The following ATP11A variants were observed in gnomAD, a reference collection of about 807,000 sequenced individuals.
ATP11A encodes phospholipid-transporting ATPase IH.
A neutral mutation model predicts 154.4 loss-of-function variants in ATP11A; 81 were observed. The ratio of observed to expected loss-of-function variants is 0.52; its 90% CI spans 0.44 to 0.63. The LOEUF (loss-of-function observed/expected upper bound fraction) is 0.63. Among genes scored for constraint, ATP11A ranks in the 30% least tolerant of loss-of-function variants. ATP11A has a pLI of 0.00. For synonymous variants in ATP11A, 623 were observed against 585.9 expected (o/e 1.06, Z -0.91); for missense variants, 1,316 against 1,474.3 (o/e 0.89, Z 1.76).
At chr13:112,845,065 A>C (rs1452577455) in intron 17 of ATP11A, among the ~76,000 whole-genome samples, 1 of 147,296 alleles carries the variant, frequency 6.8e-6, no homozygotes, top group Non-Finnish European at 1.5e-5. Flanking sequence ...CAGTCCAGTT[A>C]CTGGGCACTG....
At chr13:112,869,098 C>T (rs935194341) in intron 25 of ATP11A, among the ~76,000 whole-genome samples, 2 of 152,142 alleles carry the variant, frequency 1.3e-5, no homozygotes, top group African/African-American at 4.8e-5. Flanking sequence ...GACACAAAGC[C>T]AAACCACATC....
At chr13:112,782,548 A>G (rs911633377) in intron 1 of ATP11A, among the ~76,000 whole-genome samples, 5 of 152,262 alleles carry the variant, frequency 3.3e-5, no homozygotes, top group African/African-American at 1.2e-4. Flanking sequence ...GACTTTGCTT[A>G]GCCTTTATAG....
chr13:112,876,815 C>T (rs1181224878), intron 28 of ATP11A, among the ~76,000 whole-genome samples: 2 of 152,146 alleles, frequency 1.3e-5, no homozygotes, highest in Admixed American at 6.5e-5. Flanking sequence ...GACTCACTCA[C>T]GTAGCTCAGA....
chr13:112,853,869 A>C (rs1159820905), intron 18 of ATP11A, among the ~76,000 whole-genome samples: 1 of 152,222 alleles, frequency 6.6e-6, no homozygotes, highest in East Asian at 1.9e-4. Context: ...AACAAAAGAC[A>C]ATCAATATTC....
intron 25 of ATP11A, among the ~76,000 whole-genome samples, chr13:112,870,188 G>A (rs945530752): frequency 6.6e-6 from 1 of 152,192 alleles, no homozygotes; most frequent in Non-Finnish European, 1.5e-5. Context: ...GTTGATGGGG[G>A]CCCCTAAGAA....
Position 112,842,333 on chromosome 13 carries a change from A to G in ATP11A, c.1763A>G (p.Glu588Gly), listed in dbSNP as rs770910722. 6.2e-7 allele frequency: 1 copy of G among 1,611,980 alleles called. No homozygotes were observed. Among genetic ancestry groups the G allele is most frequent in the Non-Finnish European group, 8.5e-7 (1 of 1,179,080 alleles). The change falls in exon 17 of 30, where the codon GAA becomes GGA. Residue 588 changes from glutamate (E) to glycine (G), a missense_variant. Transcript: ENST00000375645. Reference sequence around the variant, plus strand: ...TCTTCGATATTCCCCCGAGTGATAGAAGGCAAAGTTGACCAGATCCGAGCC... The same window carrying G: ...TCTTCGATATTCCCCCGAGTGATAGGAGGCAAAGTTGACCAGATCCGAGCC... ...ADSSIFPRVI[E>G]GKVDQIRARV... is the part of the protein sequence containing the mutation.
At chr13:112,714,848 C>T (rs1420278851) in intron 1 of ATP11A, among the ~76,000 whole-genome samples, 1 of 152,202 alleles carries the variant, frequency 6.6e-6, no homozygotes, top group African/African-American at 2.4e-5. Flanking sequence ...TGCTTTAGCA[C>T]GTTCACCTTG....
At chr13:112,816,062 C>T in intron 5 of ATP11A, 21 bp from the exon 6 acceptor site, 1 of 1,613,856 alleles carries the variant, frequency 6.2e-7, no homozygotes, top group Non-Finnish European at 8.5e-7. Flanking sequence ...CATTGACCAT[C>T]CTTTCTGCTT....
intron 1 of ATP11A, among the ~76,000 whole-genome samples, chr13:112,751,739 C>T (rs557670091): frequency 2.0e-5 from 3 of 151,874 alleles, no homozygotes; most frequent in African/African-American, 7.3e-5. Flanking sequence ...ATCCCCCCCC[C>T]CTTTTTTTGA....
chr13:112,776,900 A>G (rs2077363018), intron 1 of ATP11A, among the ~76,000 whole-genome samples: 1 of 152,106 alleles, frequency 6.6e-6, no homozygotes, highest in Non-Finnish European at 1.5e-5. Context: ...ACCAGCCGAG[A>G]TGACCTGTCG....
intron 6 of ATP11A, 146 bp downstream of exon 6, chr13:112,816,357 C>A: frequency 9.7e-7 from 1 of 1,034,150 alleles, no homozygotes. Flanking sequence ...TGTTTTTCCT[C>A]ACTTTTCCTT....
intron 17 of ATP11A, among the ~76,000 whole-genome samples, chr13:112,849,111 A>G (rs940583102): frequency 6.6e-6 from 1 of 152,146 alleles, no homozygotes; most frequent in Non-Finnish European, 1.5e-5. Context: ...ATCAGTTGAG[A>G]TGATCATGTG....
At chr13:112,701,689 T>C (rs971177517) in intron 1 of ATP11A, among the ~76,000 whole-genome samples, 3 of 151,998 alleles carry the variant, frequency 2.0e-5, no homozygotes, top group African/African-American at 4.8e-5. Flanking sequence ...AAAAATTAGC[T>C]GGGCGTGGTG....
Position 112,886,090 on chromosome 13 carries a change from C to G in ATP11A, c.*4224C>G, listed in dbSNP as rs1467443070. 1 of 152,376 alleles carries G rather than the reference C, an allele frequency of 6.6e-6. No homozygotes were observed. Among genetic ancestry groups the G allele is most frequent in the African/African-American group, 2.4e-5 (1 of 41,480 alleles). 9.4% of individuals were successfully genotyped at this position (152,376 alleles called of 1,614,324 possible). A position where few individuals can be genotyped will look rare whatever the true frequency, so the allele number is the denominator to read the frequency against. ...AGCACGGCCAGCCTTCCGCCACGAG[C>G]CAGCTGGGAAGGGCCGCGGCCGCCT... On this transcript the variant is annotated 3_prime_UTR_variant, in exon 30 of 30. Transcript: ENST00000375645.
chr13:112,803,706 T>TGCC, intron 2 of ATP11A, among the ~76,000 whole-genome samples: 1 of 96,378 alleles, frequency 1.0e-5, no homozygotes, highest in Admixed American at 1.1e-4. Flanking sequence ...CCCCTCCTTC[T>TGCC]CTCATTCCCC....
At chr13:112,721,258 CTT>C (rs1205599093) in intron 1 of ATP11A, among the ~76,000 whole-genome samples, 3 of 152,272 alleles carry the variant, frequency 2.0e-5, no homozygotes, top group Non-Finnish European at 2.9e-5. Context: ...CCGCAGGTAA[CTT>C]TTGTTTCCTT....
intron 2 of ATP11A, among the ~76,000 whole-genome samples, chr13:112,787,809 CCTA>C (rs1390790826): frequency 1.4e-5 from 2 of 140,546 alleles, no homozygotes; most frequent in East Asian, 4.5e-4. Flanking sequence ...CCTGTGGAGA[CCTA>C]CTTAATTCAC....
intron 20 of ATP11A, chr13:112,856,513 A>C (rs2079930554): frequency 6.5e-6 from 1 of 153,652 alleles, no homozygotes; most frequent in Non-Finnish European, 1.4e-5. Context: ...CAGCTTTACA[A>C]ATGGGAATAA....
intron 14 of ATP11A, among the ~76,000 whole-genome samples, chr13:112,834,222 G>A (rs776626752): frequency 2.2e-4 from 34 of 152,216 alleles, no homozygotes; most frequent in African/African-American, 4.6e-4. Context: ...CTCTGGCATC[G>A]TGTTCTCCGC....
Sources: gnomAD v4.1 joint callset for allele counts (sites outside exome capture counted in the v4.1 genomes callset) on GRCh38, gnomAD v4.1.1 for gene constraint, MANE v1.5 for transcripts, NCBI Gene and HGNC (gene_info 2026-07-23, HGNC 2026-07-21) for gene names.